The following PAN2 variants were observed in gnomAD, a reference collection of about 807,000 sequenced individuals.
PAN2 encodes PAN2-PAN3 deadenylation complex catalytic subunit PAN2.
Under a neutral mutation model 133.3 loss-of-function variants are expected in PAN2, and 68 were observed. The ratio of observed to expected loss-of-function variants is 0.51; its 90% CI spans 0.42 to 0.62. The LOEUF (loss-of-function observed/expected upper bound fraction) is 0.62. PAN2 is among the 20% of genes least tolerant of loss of function. The pLI is 0.00. For synonymous variants in PAN2, 462 were observed against 544.6 expected (o/e 0.85, Z 2.11); for missense variants, 1,042 against 1,500.5 (o/e 0.69, Z 5.05).
At position 56,323,893 on chromosome 12, in the gene PAN2, CATAGTT is replaced by C. The variant is rs780561402; in HGVS notation, c.2080_2085del (p.Asn694_Tyr695del). The C allele has an allele frequency of 7.4e-6, 12 of 1,613,940 alleles. No individual in the cohort carries two copies. The highest frequency in any genetic ancestry group is 1.6e-4 in the Middle Eastern group (1 of 6,084). The stretch of plus-strand genomic sequence containing the variant: ...CTTCGCTTCAGCACCTGAGCAAAGT[CATAGTT>C]CTTCCCAGTTTTATCTGAGGGAAAA... On this transcript the variant is annotated inframe_deletion, in exon 14 of 26. Transcript: ENST00000440411.
chr12:56,327,868 G>C (rs576662934), intron 5 of PAN2, 127 bp downstream of exon 5: 1 of 1,480,372 alleles, frequency 6.8e-7, no homozygotes, highest in African/African-American at 1.4e-5. Context: ...TGAGTAGGAA[G>C]TGAATTCACT....
rs973635388 is a variant in PAN2 at position 56,317,550 on chromosome 12, C to A, written c.*59G>T. 10 of 1,500,496 alleles carry A rather than the reference C, an allele frequency of 6.7e-6. No homozygotes were observed. The Admixed American group carries it at 1.7e-4, about 25-fold the overall frequency. 92.9% of individuals were successfully genotyped at this position (1,500,496 alleles called of 1,614,324 possible). A position where few individuals can be genotyped will look rare whatever the true frequency, so the allele number is the denominator to read the frequency against. On this transcript the variant is annotated 3_prime_UTR_variant, in exon 26 of 26. Coordinates refer to ENST00000440411, the MANE Select transcript of PAN2 (RefSeq NM_014871.6). ...TATAGCCAACTTAGGAAGCCATCTC[C>A]CAGTTCTGGGGCTATAGAACAGTAA...
chr12:56,325,546 C>T (rs1426634522), intron 8 of PAN2, 92 bp from the exon 9 acceptor site: 2 of 1,366,648 alleles, frequency 1.5e-6, no homozygotes, highest in South Asian at 1.3e-5. Flanking sequence ...GCCACCAAGT[C>T]CTGAACCTTC....
rs759537895 is a variant in PAN2, at chr12:56,324,692, C to G, written c.1617G>C (p.Glu539Asp). ...GGTTTTGAATTAGACAGCGTACAGG[C>G]TCCAGGAAATAGAGCACCTGGAGGG... is the stretch of plus-strand genomic sequence containing the variant. ...NCMIQVLYFL[E>D]PVRCLIQNHL... Residue 539 changes from glutamate to aspartate, a missense_variant, in exon 11 of 26, where the codon GAG becomes GAC. Physicochemically the swap from Glu to Asp is conservative, Grantham distance 45 (BLOSUM62 2). Coordinates refer to ENST00000440411, the MANE Select transcript of PAN2 (RefSeq NM_014871.6). The G allele has an allele frequency of 1.9e-6, 3 of 1,613,442 alleles. No individual in the cohort carries two copies. The highest frequency in any genetic ancestry group is 2.5e-6 in the Non-Finnish European group (3 of 1,179,808).
At chr12:56,325,857 T>C (rs1875064598) in intron 8 of PAN2, among the ~76,000 whole-genome samples, 1 of 152,216 alleles carries the variant, frequency 6.6e-6, no homozygotes, top group African/African-American at 2.4e-5. Flanking sequence ...CCCCCTCAGA[T>C]ATGTGTTTTG....
In PAN2 at chr12:56,328,647, G is replaced by T. The variant is rs2135988299; in HGVS notation, c.283-6C>A. ...AAAAATGAAGTGGCATGGCCCTATA[G>T]AGGACAAAGACAACAGAGACACTTA... On this transcript the variant is annotated splice_polypyrimidine_tract_variant and splice_region_variant and intron_variant, in intron 2 of 25. Coordinates refer to ENST00000440411, the MANE Select transcript of PAN2 (RefSeq NM_014871.6). 6.2e-7 allele frequency: 1 copy of T among 1,613,540 alleles called. No homozygotes were observed. Among genetic ancestry groups the T allele is most frequent in the South Asian group, 1.1e-5 (1 of 91,044 alleles).
chr12:56,328,058 C>A lies in PAN2; in HGVS notation c.588G>T (p.Thr196=), dbSNP rs781424210. ...TCTGTCTCATGATGGTGACTCCAGG[C>A]GTCTCTACTGCATACTGGAGAGGGA... ...VQETQKYAVE[T]PGVTIMRQTN... The change falls in exon 5 of 26, where the codon ACG becomes ACT. Residue 196 remains threonine (T), a synonymous_variant. Coordinates refer to ENST00000440411, the MANE Select transcript of PAN2 (RefSeq NM_014871.6). 9 of 1,613,828 alleles carry A rather than the reference C, an allele frequency of 5.6e-6. No individual in the cohort carries two copies. Among genetic ancestry groups the A allele is most frequent in the Non-Finnish European group, 7.6e-6 (9 of 1,179,868 alleles).
chr12:56,332,259 G>C (rs1318757430), intron 2 of PAN2, among the ~76,000 whole-genome samples: 1 of 152,070 alleles, frequency 6.6e-6, no homozygotes, highest in African/African-American at 2.4e-5. Flanking sequence ...CTAAGTGATG[G>C]GTACAACTAT....
Position 56,326,702 on chromosome 12 carries a change from G to C in PAN2, c.1177C>G (p.Leu393Val), listed in dbSNP as rs1479155374. The C allele has an allele frequency of 6.2e-7, 1 of 1,613,976 alleles. No homozygotes were observed. The highest frequency in any genetic ancestry group is 1.7e-5 in the Admixed American group (1 of 60,002). ...LPPLDWSQDLLPLSLIPVPLT... is the reference protein window; with the variant it reads ...LPPLDWSQDLVPLSLIPVPLT... ...GGGACAGGGATGAGGGAAAGAGGCA[G>C]CAGGTCCTGGCTCCAGTCCAGAGGA... Residue 393 changes from leucine (L) to valine (V), a missense_variant, in exon 7 of 26, where the codon CTG becomes GTG. Coordinates refer to ENST00000440411, the MANE Select transcript of PAN2 (RefSeq NM_014871.6).
Position 56,319,150 on chromosome 12 carries a change from T to A in PAN2, c.3302A>T (p.Tyr1101Phe). ...TCGTTTTCGGGGCATATGGAACAGG[T>A]AGACAGTGTCAAGGACTTGGTCCTT... ...VPKDQVLDTV[Y>F]LFHMPRKRMI... Residue 1101 changes from tyrosine (Y) to phenylalanine (F), a missense_variant, in exon 24 of 26, where the codon TAC becomes TTC. Around this residue, in one of 3 missense-constraint regions of PAN2, gnomAD observed 85 missense variants for 116.5 expected, o/e 0.73. Transcript: ENST00000440411. This position sits in a 1 kb window ranked among gnomAD's most constrained non-coding sequence, Gnocchi z 5.4. 6.2e-7 allele frequency: 1 copy of A among 1,613,990 alleles called. No individual in the cohort carries two copies. Among genetic ancestry groups the A allele is most frequent in the Middle Eastern group, 1.6e-4 (1 of 6,062 alleles).
Position 56,332,906 on chromosome 12 carries a change from A to G in PAN2, c.189T>C (p.Ser63=). ...ESVHIMEGVY[S]ELHSVVAEVG... is the part of the protein sequence containing the mutation. Reference sequence around the variant, plus strand: ...CTTCAGCCACCACGCTGTGCAATTCAGAGTAGACACCTTCCATTATGTGCA... The same window carrying G: ...CTTCAGCCACCACGCTGTGCAATTCGGAGTAGACACCTTCCATTATGTGCA... The change falls in exon 2 of 26, where the codon TCT becomes TCC. Residue 63 remains serine (S), a synonymous_variant. Transcript: ENST00000440411. 1 of 1,614,192 alleles carries G rather than the reference A, an allele frequency of 6.2e-7. No homozygotes were observed. The highest frequency in any genetic ancestry group is 8.5e-7 in the Non-Finnish European group (1 of 1,180,040).
Position 56,319,876 on chromosome 12 carries a change from G to A in PAN2, c.2934C>T (p.Val978=), listed in dbSNP as rs781488500. 4 of 1,614,204 alleles carry A rather than the reference G, an allele frequency of 2.5e-6. No homozygotes were observed. Among genetic ancestry groups the A allele is most frequent in the African/African-American group, 1.3e-5 (1 of 75,054 alleles). The change falls in exon 21 of 26, where the codon GTC becomes GTT. Residue 978 remains valine, a synonymous_variant. Transcript: ENST00000440411. The surrounding 1 kb of genome is among the most constrained non-coding windows in gnomAD (Gnocchi z 5.4). ...TGGTCTTGGTTACCTCATTAAGGGTGACAAACTCAGCATCCAGACCCACCA... is the reference window on the plus strand; with the variant it reads ...TGGTCTTGGTTACCTCATTAAGGGTAACAAACTCAGCATCCAGACCCACCA... ...GDLVGLDAEF[V]TLNEEEAELR...
chr12:56,325,841 T>C (rs1020207117), intron 8 of PAN2, among the ~76,000 whole-genome samples: 9 of 152,232 alleles, frequency 5.9e-5, no homozygotes, highest in African/African-American at 9.6e-5. Context: ...GGTATACTCA[T>C]GTAGTCCCCC....
intron 4 of PAN2, 26 bp from the exon 5 acceptor site, chr12:56,328,098 G>C (rs574424839): frequency 6.2e-7 from 1 of 1,612,578 alleles, no homozygotes; most frequent in Non-Finnish European, 8.5e-7. Flanking sequence ...GGAAAAACCA[G>C]TGAGAAGAAT....
intron 2 of PAN2, 94 bp downstream of exon 2, chr12:56,332,719 C>A: frequency 6.2e-6 from 8 of 1,285,210 alleles, no homozygotes; most frequent in Admixed American, 1.8e-5. Context: ...TACAACTCCT[C>A]GGTACTGGCT....
In PAN2 at chr12:56,328,584, T is replaced by C. The variant is rs772655729; in HGVS notation, c.340A>G (p.Asn114Asp). Residue 114 changes from asparagine (N) to aspartate (D), a missense_variant, in exon 3 of 26, where the codon AAT (asparagine) becomes GAT (aspartate). Asn to Asp is a conservative substitution (Grantham distance 23). Transcript: ENST00000440411. ...ALERYSSFQV[N>D]GSDDIRQIQS... is the part of the protein sequence containing the mutation. ...ATCTGCCGAATATCATCACTGCCAT[T>C]GACTTGAAAGGATGAGTAGCGCTCC... 6.2e-7 allele frequency: 1 copy of C among 1,614,188 alleles called. No individual in the cohort carries two copies. The highest frequency in any genetic ancestry group is 8.5e-7 in the Non-Finnish European group (1 of 1,180,016).
rs1417338344 is a variant in PAN2 at position 56,322,616 on chromosome 12, T to G, written c.2636A>C (p.Glu879Ala). Residue 879 changes from glutamate to alanine, a missense_variant and splice_region_variant, in exon 18 of 26, where the codon GAG becomes GCG. By Grantham distance (107) the Glu-to-Ala change is moderately radical. Transcript: ENST00000440411. The stretch of plus-strand genomic sequence containing the variant: ...CCTGCCCTCTACAACCTCACTCACC[T>G]CCTTGCGCTGGTGGTAGGTCTCTCC... ...KVGETYHQRK[E>A]GVTHQQWYLF... 6.2e-7 allele frequency: 1 copy of G among 1,614,096 alleles called. No individual in the cohort carries two copies. Among genetic ancestry groups the G allele is most frequent in the Non-Finnish European group, 8.5e-7 (1 of 1,179,978 alleles).
In PAN2 at chr12:56,332,720, G is replaced by A. The variant is rs921645580; in HGVS notation, c.282+93C>T. ...AGCTGTCTCATCACTACAACTCCTC[G>A]GTACTGGCTATCTGCAAAGCAGCTT... On this transcript the variant is annotated intron_variant, in intron 2 of 25. Transcript: ENST00000440411. The A allele has an allele frequency of 1.5e-5, 19 of 1,288,096 alleles. 1 individual carries two copies. Among genetic ancestry groups the A allele is most frequent in the Non-Finnish European group, 2.0e-5 (18 of 904,786 alleles). 79.8% of individuals were successfully genotyped at this position (1,288,096 alleles called of 1,614,324 possible).
chr12:56,327,647 T>G lies in PAN2; in HGVS notation c.652-16A>C. On this transcript the variant is annotated splice_polypyrimidine_tract_variant and intron_variant, in intron 5 of 25. Transcript: ENST00000440411. ...TCAGGGAAACCTAGAAAAAAAAAAT[T>G]CAGTTATCTGCAAATTCTGTTATCA... The G allele has an allele frequency of 6.2e-7, 1 of 1,610,594 alleles. No homozygotes were observed. Among genetic ancestry groups the G allele is most frequent in the South Asian group, 1.1e-5 (1 of 91,036 alleles).
Sources: allele counts gnomAD v4.1 joint callset (sites outside exome capture counted in the v4.1 genomes callset), GRCh38; gene constraint gnomAD v4.1.1; regional missense constraint gnomAD v4.1.1; non-coding constraint Gnocchi (gnomAD v3.1); transcripts MANE v1.5; gene names NCBI Gene and HGNC (gene_info 2026-07-23, HGNC 2026-07-21).